The following RIMBP2 variants were observed in gnomAD, a reference collection of about 807,000 sequenced individuals.
RIMBP2 encodes the protein RIMS-binding protein 2.
Under a neutral mutation model 118.6 loss-of-function variants are expected in RIMBP2, and 48 were observed. The observed-to-expected ratio is 0.40, with a 90% CI of 0.32 to 0.51. The LOEUF is 0.51. RIMBP2 is among the 20% of genes least tolerant of loss of function. The pLI is 0.41. For synonymous variants in RIMBP2, 762 were observed against 742.9 expected, an observed-to-expected ratio of 1.03 and a Z score of -0.42; for missense variants, 1,551 against 1,768.3, an observed-to-expected ratio of 0.88 and a Z score of 2.20.
At chr12:130,681,782 C>T (rs2064798748) in intron 1 of RIMBP2, among the ~76,000 whole-genome samples, 1 of 152,184 alleles carries the variant, frequency 6.6e-6, no homozygotes, top group Non-Finnish European at 1.5e-5. Flanking sequence ...ACAACCTCCA[C>T]CTTCTGGGTT....
chr12:130,707,074 C>T (rs2066156091), intron 1 of RIMBP2, among the ~76,000 whole-genome samples: 1 of 152,230 alleles, frequency 6.6e-6, no homozygotes, highest in Non-Finnish European at 1.5e-5. Context: ...CTTTCCTGTT[C>T]TTGAGCAGGG....
At chr12:130,695,612 G>A (rs896144971) in intron 1 of RIMBP2, among the ~76,000 whole-genome samples, 2 of 152,058 alleles carry the variant, frequency 1.3e-5, no homozygotes, top group African/African-American at 4.8e-5. Context: ...TTCCAAGCGG[G>A]CAGGAAAACC....
rs557608158 is a variant in RIMBP2 at position 130,669,837 on chromosome 12, C to G, written c.-351-41381G>C. On this transcript the variant is annotated intron_variant, in intron 1 of 22. Coordinates refer to ENST00000690449, the MANE Select transcript of RIMBP2 (RefSeq NM_001393629.1). Reference sequence around the variant, plus strand: ...GTGTAGCCACTGACGGTGAAAACCACCCAAGAAGTAACAAGCACCGTCTTC... The same window carrying G: ...GTGTAGCCACTGACGGTGAAAACCAGCCAAGAAGTAACAAGCACCGTCTTC... 2.0e-5 allele frequency among the ~76,000 whole-genome samples: 3 copies of G among 152,232 alleles called. No individual in the cohort carries two copies. In the East Asian group the frequency reaches 5.8e-4, roughly 29 times the overall value.
Position 130,456,472 on chromosome 12 carries a change from A to G in RIMBP2, c.358+24T>C, listed in dbSNP as rs761031591. ...CGGCCATTCTCTCCCCACCACAGCCAAGGCGGAAGGTCCAGGCGCTTACCT... is the reference window on the plus strand; with the variant it reads ...CGGCCATTCTCTCCCCACCACAGCCGAGGCGGAAGGTCCAGGCGCTTACCT... On this transcript the variant is annotated intron_variant, in intron 7 of 22. Transcript: ENST00000690449. The G allele has an allele frequency of 4.5e-6, 7 of 1,540,548 alleles. No individual in the cohort carries two copies. The African/African-American group carries it at 8.2e-5, about 18-fold the overall frequency.
intron 4 of RIMBP2, among the ~76,000 whole-genome samples, chr12:130,497,564 C>T (rs539650303): frequency 6.6e-6 from 1 of 152,194 alleles, no homozygotes; most frequent in South Asian, 2.1e-4. Flanking sequence ...GTGAGCGAAG[C>T]ACCACCGGTT....
At chr12:130,522,678 C>G (rs1187983174) in intron 2 of RIMBP2, among the ~76,000 whole-genome samples, 1 of 152,084 alleles carries the variant, frequency 6.6e-6, no homozygotes, top group Non-Finnish European at 1.5e-5. Context: ...GTGCAGGGAG[C>G]CCCAGGGAGG....
At chr12:130,685,496 T>C (rs529466415) in intron 1 of RIMBP2, among the ~76,000 whole-genome samples, 2 of 152,162 alleles carry the variant, frequency 1.3e-5, no homozygotes, top group African/African-American at 4.8e-5. Flanking sequence ...TATGATGTCA[T>C]CCGCCTGACC....
At chr12:130,646,321 CTCCACCTG>C (rs2062946555) in intron 1 of RIMBP2, among the ~76,000 whole-genome samples, 2 of 118,968 alleles carry the variant, frequency 1.7e-5, no homozygotes, top group African/African-American at 3.0e-5. Context: ...CCACTTCCCT[CTCCACCTG>C]CCTCACCACC....
intron 2 of RIMBP2, among the ~76,000 whole-genome samples, chr12:130,551,545 T>G (rs747718135): frequency 6.4e-5 from 7 of 109,996 alleles, no homozygotes; most frequent in Non-Finnish European, 8.8e-5. Context: ...TGCCTGTTCT[T>G]AGATTTCTTT....
At chr12:130,599,748 T>C (rs2059762118) in intron 2 of RIMBP2, among the ~76,000 whole-genome samples, 2 of 152,238 alleles carry the variant, frequency 1.3e-5, no homozygotes, top group Non-Finnish European at 2.9e-5. Context: ...TTACAGTTTC[T>C]GCAAATGTTA....
At chr12:130,568,451 A>G (rs1049799924) in intron 2 of RIMBP2, among the ~76,000 whole-genome samples, 1 of 152,228 alleles carries the variant, frequency 6.6e-6, no homozygotes. Flanking sequence ...TCTGGTATCC[A>G]CACAGGCCCT....
chr12:130,552,092 T>C (rs184441863), intron 2 of RIMBP2, among the ~76,000 whole-genome samples: 184 of 152,372 alleles, frequency 1.2e-3, no homozygotes, highest in Non-Finnish European at 1.6e-3. Flanking sequence ...ATCTATAAGA[T>C]GCATTCGCTA....
chr12:130,467,277 C>T (rs1252314216), intron 6 of RIMBP2, among the ~76,000 whole-genome samples: 1 of 152,244 alleles, frequency 6.6e-6, no homozygotes, highest in Non-Finnish European at 1.5e-5. Flanking sequence ...CAGCTAGAGG[C>T]TGAAAGATTC....
Position 130,446,005 on chromosome 12 carries a change from G to T in RIMBP2, c.582-736C>A, listed in dbSNP as rs1410922113. 7.8e-6 allele frequency among the ~76,000 whole-genome samples: 1 copy of T among 128,468 alleles called. No individual in the cohort carries two copies. The highest frequency in any genetic ancestry group is 3.0e-5 in the African/African-American group (1 of 33,510). The allele number at this position is 128,468 out of a possible 152,430, so 84.3% of individuals were successfully genotyped here. On this transcript the variant is annotated intron_variant, in intron 9 of 22. Transcript: ENST00000690449. The surrounding 1 kb of genome is among the most constrained non-coding windows in gnomAD (Gnocchi z 4.1). The stretch of plus-strand genomic sequence containing the variant: ...AGTCAAAATGCTCAGAAAAACAGAC[G>T]CATGATTTTATGCTCCCCCCCCCCA...
intron 2 of RIMBP2, among the ~76,000 whole-genome samples, chr12:130,590,173 C>A (rs187198352): frequency 6.6e-6 from 1 of 152,212 alleles, no homozygotes; most frequent in Non-Finnish European, 1.5e-5. Flanking sequence ...TCAAATAACA[C>A]AATGCCAAGC....
intron 4 of RIMBP2, among the ~76,000 whole-genome samples, chr12:130,503,839 T>C (rs1012781125): frequency 2.0e-5 from 3 of 152,234 alleles, no homozygotes; most frequent in Non-Finnish European, 4.4e-5. Context: ...TATATCTTAG[T>C]TCTTTCTTCT....
chr12:130,441,417 A>ATAATAATAATAATAATAATC (rs2078121850), intron 11 of RIMBP2, among the ~76,000 whole-genome samples: 3 of 139,130 alleles, frequency 2.2e-5, no homozygotes, highest in Admixed American at 7.0e-5. Context: ...TAATAATAAT[A>ATAATAATAATAATAATAATC]ATAATAATAA....
intron 2 of RIMBP2, among the ~76,000 whole-genome samples, chr12:130,598,053 G>A (rs1292420082): frequency 2.6e-5 from 4 of 152,116 alleles, no homozygotes; most frequent in Non-Finnish European, 5.9e-5. Flanking sequence ...AGCAGAAAAG[G>A]AGATCAACAT....
intron 7 of RIMBP2, 121 bp downstream of exon 7, chr12:130,456,375 G>T: frequency 1.3e-6 from 1 of 768,800 alleles, no homozygotes. Flanking sequence ...CCATTGCAGT[G>T]GCGGGTCCCT....
Sources: gnomAD v4.1 joint callset for allele counts (sites outside exome capture counted in the v4.1 genomes callset) on GRCh38, gnomAD v4.1.1 for gene constraint, Gnocchi (gnomAD v3.1) non-coding constraint, MANE v1.5 for transcripts, NCBI Gene and HGNC (gene_info 2026-07-23, HGNC 2026-07-21) for gene names.